The following RAVER2 variants were observed in gnomAD, a reference collection of about 807,000 sequenced individuals.
RAVER2 encodes the protein ribonucleoprotein PTB-binding 2.
RAVER2 carries 46 observed loss-of-function variants against 78.1 expected under a neutral mutation model. That is an observed-to-expected ratio of 0.59 (90% CI 0.46 to 0.75). The LOEUF is 0.75. Among genes scored for constraint, RAVER2 ranks in the 30% least tolerant of loss-of-function variants. RAVER2 has a pLI of 0.00. For synonymous variants in RAVER2, 311 were observed against 313.3 expected (o/e 0.99, Z 0.08); for missense variants, 793 against 837.5 (o/e 0.95, Z 0.66).
chr1:64,832,373 T>C (rs1654171486), exon 12 of RAVER2: 1 of 152,634 alleles, frequency 6.6e-6, no homozygotes, highest in Admixed American at 6.5e-5. Context: ...AGTTTTATCT[T>C]TATGGACTAT....
At position 64,832,894 on chromosome 1, in the gene RAVER2, A is replaced by C. The variant is rs544218192; in HGVS notation, c.*1909A>C. ...TCCACTATAGTACAAACAAACAAAC[A>C]AACAGAAGAAAGGAAAGATGGTGAA... On this transcript the variant is annotated 3_prime_UTR_variant, in exon 12 of 12. Transcript: ENST00000294428. 12 of 153,246 alleles carry C rather than the reference A, an allele frequency of 7.8e-5. No individual in the cohort carries two copies. In the East Asian group the frequency reaches 2.2e-3, roughly 28 times the overall value. 9.5% of individuals were successfully genotyped at this position (153,246 alleles called of 1,614,324 possible).
intron 1 of RAVER2, among the ~76,000 whole-genome samples, chr1:64,753,721 A>C (rs1424181504): frequency 6.6e-6 from 1 of 151,434 alleles, no homozygotes; most frequent in African/African-American, 2.4e-5. Context: ...ACAGGGTTTC[A>C]CCATGTTGGT....
exon 5 of RAVER2, chr1:64,789,486 C>G (rs1351562844): frequency 6.2e-7 from 1 of 1,607,474 alleles, no homozygotes; most frequent in Admixed American, 1.7e-5. Flanking sequence ...TTCTACAGCC[C>G]CAGTTATGTG....
At chr1:64,804,774 A>G (rs778385987) in exon 7 of RAVER2, 7 of 1,546,032 alleles carry the variant, frequency 4.5e-6, no homozygotes, top group Middle Eastern at 1.7e-4. Context: ...TTCCTTCAGA[A>G]TCTTTCTCAT....
chr1:64,811,845 G>T (rs1653616545), intron 9 of RAVER2, among the ~76,000 whole-genome samples: 1 of 152,084 alleles, frequency 6.6e-6, no homozygotes, highest in South Asian at 2.1e-4. Flanking sequence ...TGTTTCAAGG[G>T]TCAACTGTGC....
intron 2 of RAVER2, among the ~76,000 whole-genome samples, chr1:64,777,218 T>G (rs1652489507): frequency 6.6e-6 from 1 of 152,194 alleles, no homozygotes; most frequent in East Asian, 1.9e-4. Context: ...ATTTTGTAAC[T>G]TCATTTTTAT....
intron 8 of RAVER2, 112 bp from the exon 9 acceptor site, chr1:64,807,094 A>G (rs1653460067): frequency 8.0e-7 from 1 of 1,256,040 alleles, no homozygotes; most frequent in Admixed American, 2.7e-5. Flanking sequence ...GTTATCTAAC[A>G]GGTACAAAAT....
intron 4 of RAVER2, among the ~76,000 whole-genome samples, chr1:64,785,878 A>G (rs759971962): frequency 5.3e-5 from 8 of 152,080 alleles, no homozygotes; most frequent in East Asian, 1.9e-4. Flanking sequence ...GTGTACCTCA[A>G]TTTCAACATA....
rs1410268502 is a variant in RAVER2 at position 64,824,588 on chromosome 1, T to TA, written c.1930-6246dup. 2.6e-5 allele frequency among the ~76,000 whole-genome samples: 4 copies of TA among 152,262 alleles called. No individual in the cohort carries two copies. The South Asian group carries it at 8.3e-4, about 32-fold the overall frequency. ...TAGACAATAACTTGGAAAGTACTTT[T>TA]AAAAAGTGATTTTGGTTAAAAACTG... is the stretch of plus-strand genomic sequence containing the variant. On this transcript the variant is annotated intron_variant, in intron 11 of 11. Coordinates refer to ENST00000294428, the Ensembl canonical transcript of RAVER2.
intron 1 of RAVER2, among the ~76,000 whole-genome samples, chr1:64,767,145 C>T (rs1652195402): frequency 6.6e-6 from 1 of 151,918 alleles, no homozygotes; most frequent in South Asian, 2.1e-4. Flanking sequence ...TCATGCTTTG[C>T]CTATTATATC....
chr1:64,791,390 A>G (rs1367309194), intron 5 of RAVER2, among the ~76,000 whole-genome samples: 2 of 152,114 alleles, frequency 1.3e-5, no homozygotes, highest in Non-Finnish European at 2.9e-5. Context: ...ACCTCTCCTT[A>G]TAGAGTTGGT....
intron 2 of RAVER2, among the ~76,000 whole-genome samples, chr1:64,770,475 C>T (rs1414566643): frequency 6.6e-6 from 1 of 151,946 alleles, no homozygotes; most frequent in African/African-American, 2.4e-5. Flanking sequence ...CATCCTGGAA[C>T]AAAACTCAAG....
At chr1:64,804,995 C>T in exon 8 of RAVER2, 1 of 1,613,224 alleles carries the variant, frequency 6.2e-7, no homozygotes, top group Middle Eastern at 1.6e-4. Flanking sequence ...TTGTAGAAAC[C>T]CGGCTTACTT....
chr1:64,817,167 T>C (rs1653775383), intron 11 of RAVER2, among the ~76,000 whole-genome samples: 1 of 152,166 alleles, frequency 6.6e-6, no homozygotes, highest in African/African-American at 2.4e-5. Flanking sequence ...TCATCATCAC[T>C]GGCCATCAGA....
At chr1:64,817,844 A>G (rs1419466138) in intron 11 of RAVER2, among the ~76,000 whole-genome samples, 1 of 152,166 alleles carries the variant, frequency 6.6e-6, no homozygotes, top group Non-Finnish European at 1.5e-5. Flanking sequence ...TGGCACATGT[A>G]TACCTATGTA....
At chr1:64,779,508 AC>A (rs964220181) in intron 3 of RAVER2, among the ~76,000 whole-genome samples, 1 of 151,610 alleles carries the variant, frequency 6.6e-6, no homozygotes, top group African/African-American at 2.4e-5. Flanking sequence ...AGCTAGGACT[AC>A]AAGTCCACAT....
intron 2 of RAVER2, among the ~76,000 whole-genome samples, chr1:64,770,161 A>G (rs1042264110): frequency 1.2e-4 from 19 of 152,172 alleles, no homozygotes; most frequent in Non-Finnish European, 2.6e-4. Flanking sequence ...ACTAATATAC[A>G]TTTCAACTGT....
intron 6 of RAVER2, 47 bp downstream of exon 6, chr1:64,803,108 A>T: frequency 7.1e-7 from 1 of 1,403,044 alleles, no homozygotes; most frequent in East Asian, 2.3e-5. Context: ...TTCGGAGTGA[A>T]TATTTTGTTT....
chr1:64,748,678 A>G (rs759787847), intron 1 of RAVER2, among the ~76,000 whole-genome samples: 1 of 152,234 alleles, frequency 6.6e-6, no homozygotes, highest in Non-Finnish European at 1.5e-5. Context: ...CACTTATGGA[A>G]AATGTACTAT....
Sources: allele counts gnomAD v4.1 joint callset (sites outside exome capture counted in the v4.1 genomes callset), GRCh38; gene constraint gnomAD v4.1.1; transcripts MANE v1.5; gene names NCBI Gene and HGNC (gene_info 2026-07-23, HGNC 2026-07-21).